The following WDR64 variants were observed in gnomAD, a reference collection of about 807,000 sequenced individuals.
WDR64 encodes WD repeat domain 64, also known as WD repeat-containing protein 64.
Under a neutral mutation model 139.3 loss-of-function variants are expected in WDR64, and 112 were observed. The ratio of observed to expected loss-of-function variants is 0.80; its 90% CI spans 0.69 to 0.94. WDR64 has a LOEUF of 0.94. Ranked by LOEUF, WDR64 falls within the 40% of genes least tolerant of loss-of-function variation. The pLI, the probability that WDR64 is intolerant of heterozygous loss-of-function variation, is 0.00. For synonymous variants in WDR64, 444 were observed against 437.7 expected (o/e 1.01, Z -0.18); for missense variants, 1,206 against 1,293.1 (o/e 0.93, Z 1.03).
At chr1:241,706,071 G>A (rs189509552) in intron 8 of WDR64, among the ~76,000 whole-genome samples, 46 of 152,120 alleles carry the variant, frequency 3.0e-4, no homozygotes, top group African/African-American at 9.9e-4. Context: ...GTTTTCATGG[G>A]CCCTAAAAAT....
intron 15 of WDR64, among the ~76,000 whole-genome samples, chr1:241,757,670 T>G (rs1161543897): frequency 1.5e-5 from 2 of 130,588 alleles, no homozygotes; most frequent in Non-Finnish European, 3.3e-5. Context: ...TTTTTTTTTT[T>G]TGAGACAGGG....
chr1:241,701,960 C>T (rs1445224756), intron 8 of WDR64, among the ~76,000 whole-genome samples: 1 of 151,992 alleles, frequency 6.6e-6, no homozygotes, highest in Non-Finnish European at 1.5e-5. Context: ...CCAATAGCTC[C>T]CAAGAAGACA....
Position 241,766,703 on chromosome 1 carries a change from T to TA in WDR64, c.2081+369dup, listed in dbSNP as rs33937120. On this transcript the variant is annotated intron_variant, in intron 16 of 27. Coordinates refer to ENST00000437684, the MANE Select transcript of WDR64 (RefSeq NM_001367482.1). ...GTGACAGAGTGAGTGAAACTCAGTATAAAAAAAAAAAAAAAAACCTCAGGG... is the reference window on the plus strand; with the variant it reads ...GTGACAGAGTGAGTGAAACTCAGTATAAAAAAAAAAAAAAAAAACCTCAGGG... Among the ~76,000 whole-genome samples, 1,215 of 132,398 alleles carry TA rather than the reference T, an allele frequency of 9.2e-3. 17 individuals carry two copies. The highest frequency in any genetic ancestry group is 0.031 in the African/African-American group (1,087 of 34,926). 86.9% of individuals were successfully genotyped at this position (132,398 alleles called of 152,430 possible).
chr1:241,788,241 G>A (rs1021142036), intron 24 of WDR64, among the ~76,000 whole-genome samples: 1 of 152,146 alleles, frequency 6.6e-6, no homozygotes, highest in Non-Finnish European at 1.5e-5. Flanking sequence ...GTAACAGAAG[G>A]GCAAATAGGA....
At chr1:241,777,530 A>C (rs1658697908) in intron 21 of WDR64, among the ~76,000 whole-genome samples, 1 of 150,336 alleles carries the variant, frequency 6.7e-6, no homozygotes. Context: ...CAATTTTCCC[A>C]CCTCAGCCTC....
rs183205308 is a variant in WDR64, at chr1:241,766,158, C to T, written c.1948-60C>T. ...TGACAATTACAAAGTGTACACATGG[C>T]GTTTGCACCGCGAATCATGAATACT... is the stretch of plus-strand genomic sequence containing the variant. On this transcript the variant is annotated intron_variant, in intron 15 of 27. Coordinates refer to ENST00000437684, the MANE Select transcript of WDR64 (RefSeq NM_001367482.1). 6.4e-6 allele frequency: 10 copies of T among 1,550,790 alleles called. No homozygotes were observed. In the African/African-American group the frequency reaches 6.8e-5, roughly 11 times the overall value.
rs377139607 is a variant in WDR64 at position 241,770,656 on chromosome 1, A to G, written c.2219A>G (p.Gln740Arg). 4 of 1,551,434 alleles carry G rather than the reference A, an allele frequency of 2.6e-6. No individual in the cohort carries two copies. In the African/African-American group the frequency reaches 5.5e-5, roughly 21 times the overall value. The change falls in exon 18 of 28, where the codon CAG becomes CGG. Residue 740 changes from glutamine (Q) to arginine (R), a missense_variant. Transcript: ENST00000437684. ...CAGGATTCCATATGTTCTTCATCCC[A>G]GTGTGAATCCAGCAAAGGTCCACAG... ...SSQDSICSSSQCESSKGPQSS... is the reference protein window; with the variant it reads ...SSQDSICSSSRCESSKGPQSS...
chr1:241,678,208 A>G lies in WDR64; in HGVS notation c.505A>G (p.Asn169Asp), dbSNP rs1173537815. 2.5e-6 allele frequency: 1 copy of G among 398,940 alleles called. No individual in the cohort carries two copies. The highest frequency in any genetic ancestry group is 4.4e-6 in the Non-Finnish European group (1 of 225,982). 24.7% of individuals were successfully genotyped at this position (398,940 alleles called of 1,614,324 possible). Residue 169 changes from asparagine (N) to aspartate (D), a missense_variant, in exon 5 of 28, where the codon AAT (asparagine) becomes GAT (aspartate). Coordinates refer to ENST00000437684, the MANE Select transcript of WDR64 (RefSeq NM_001367482.1). ...NNQMRVQTSTNVTDTSWITGC... is the reference protein window; with the variant it reads ...NNQMRVQTSTDVTDTSWITGC... Reference sequence around the variant, plus strand: ...ATAGATGAGAGTTCAGACCAGCACCAATGTTACAGTAAGTACACTTTAAAA... The same window carrying G: ...ATAGATGAGAGTTCAGACCAGCACCGATGTTACAGTAAGTACACTTTAAAA...
chr1:241,726,843 CTT>C (rs1274288932), intron 10 of WDR64, among the ~76,000 whole-genome samples: 1 of 151,256 alleles, frequency 6.6e-6, no homozygotes, highest in African/African-American at 2.4e-5. Flanking sequence ...TTTGTTTTCT[CTT>C]TGTTTTTTTA....
At chr1:241,774,706 AT>A (rs1342917240) in intron 20 of WDR64, among the ~76,000 whole-genome samples, 5 of 152,210 alleles carry the variant, frequency 3.3e-5, no homozygotes, top group Admixed American at 2.0e-4. Context: ...TCTGAAAAAA[AT>A]GTTTGTTTAA....
At chr1:241,727,589 T>G (rs1668895908) in intron 10 of WDR64, among the ~76,000 whole-genome samples, 1 of 152,204 alleles carries the variant, frequency 6.6e-6, no homozygotes, top group South Asian at 2.1e-4. Context: ...GTCTATTGTG[T>G]TAGATACTGT....
intron 15 of WDR64, among the ~76,000 whole-genome samples, chr1:241,759,250 T>G (rs1027255214): frequency 1.3e-5 from 2 of 152,160 alleles, no homozygotes; most frequent in Non-Finnish European, 2.9e-5. Flanking sequence ...TTAGGGTATA[T>G]AGCATGTGGA....
At chr1:241,753,327 A>G (rs76257799) in intron 14 of WDR64, among the ~76,000 whole-genome samples, 301 of 152,300 alleles carry the variant, frequency 2.0e-3, no homozygotes, top group Middle Eastern at 6.8e-3. Flanking sequence ...AAAATAATTG[A>G]CCTTAAAATT....
At chr1:241,713,984 A>C (rs1396048772) in intron 9 of WDR64, among the ~76,000 whole-genome samples, 1 of 152,230 alleles carries the variant, frequency 6.6e-6, no homozygotes, top group Non-Finnish European at 1.5e-5. Context: ...CTGGGGAAGA[A>C]GAACAAAAGA....
intron 4 of WDR64, among the ~76,000 whole-genome samples, chr1:241,676,994 A>G (rs1666582890): frequency 6.6e-6 from 1 of 151,810 alleles, no homozygotes; most frequent in African/African-American, 2.4e-5. Flanking sequence ...AGTGTAGGTC[A>G]CAGGAGTAAT....
At chr1:241,770,738 G>C (rs755998408) in intron 18 of WDR64, 48 bp downstream of exon 18, 3 of 1,529,894 alleles carry the variant, frequency 2.0e-6, no homozygotes, top group Non-Finnish European at 2.7e-6. Context: ...ACTCAATGTT[G>C]GTTCAAAAAT....
chr1:241,704,328 T>C (rs1426455892), intron 8 of WDR64, among the ~76,000 whole-genome samples: 1 of 152,212 alleles, frequency 6.6e-6, no homozygotes, highest in Non-Finnish European at 1.5e-5. Flanking sequence ...CTCTTCACTC[T>C]TAAAGTGCTA....
intron 9 of WDR64, among the ~76,000 whole-genome samples, chr1:241,713,446 A>AAAGGAAGGAAAGG (rs1668270718): frequency 7.3e-6 from 1 of 137,734 alleles, no homozygotes; most frequent in African/African-American, 2.7e-5. Flanking sequence ...GGAAGGAAAG[A>AAAGGAAGGAAAGG]AAGGAAGGAA....
chr1:241,765,685 A>G (rs1175291719), intron 15 of WDR64, among the ~76,000 whole-genome samples: 1 of 152,244 alleles, frequency 6.6e-6, no homozygotes, highest in African/African-American at 2.4e-5. Flanking sequence ...ACTGTAATCA[A>G]CACTTTGAGT....
Sources: gnomAD v4.1 joint callset for allele counts (sites outside exome capture counted in the v4.1 genomes callset) on GRCh38, gnomAD v4.1.1 for gene constraint, MANE v1.5 for transcripts, NCBI Gene and HGNC (gene_info 2026-07-23, HGNC 2026-07-21) for gene names.